ANTXR1: variants seen among roughly 807,000 people sequenced by gnomAD.
The protein encoded by ANTXR1 is ANTXR cell adhesion molecule 1.
A neutral mutation model predicts 78.1 loss-of-function variants in ANTXR1; 19 were observed. The ratio of observed to expected loss-of-function variants is 0.24; its 90% CI spans 0.17 to 0.36. ANTXR1 has a LOEUF of 0.36. ANTXR1 is among the 10% of genes least tolerant of loss of function. The probability of loss-of-function intolerance (pLI) is 1.00; values close to 1 mark genes in which losing one functional copy is unlikely to be tolerated. For synonymous variants in ANTXR1, 273 were observed against 260.5 expected (o/e 1.05, Z -0.46); for missense variants, 518 against 718.6 (o/e 0.72, Z 3.19).
chr2:69,017,549 C>T lies in ANTXR1; in HGVS notation c.152+3898C>T, dbSNP rs533378546. On this transcript the variant is annotated intron_variant, in intron 1 of 17. Transcript: ENST00000303714. ...AACCCAGATTATACATTTAATGGAA[C>T]GTCATGTTTTCTCAACCAGGAGCAA... 1.1e-4 allele frequency among the ~76,000 whole-genome samples: 16 copies of T among 152,232 alleles called. No homozygotes were observed. The East Asian group carries it at 2.5e-3, about 24-fold the overall frequency.
intron 14 of ANTXR1, among the ~76,000 whole-genome samples, chr2:69,173,317 T>A (rs1345316202): frequency 6.6e-6 from 1 of 152,222 alleles, no homozygotes; most frequent in Non-Finnish European, 1.5e-5. Context: ...CTAGTCTTCA[T>A]TTCACCATCT....
intron 14 of ANTXR1, among the ~76,000 whole-genome samples, 161 bp downstream of exon 14, chr2:69,170,450 G>T (rs1337165871): frequency 6.6e-6 from 1 of 152,166 alleles, no homozygotes; most frequent in African/African-American, 2.4e-5. Flanking sequence ...GAAACTGTCT[G>T]GCCTTTCCTA....
chr2:69,168,308 G>A (rs184683530), intron 13 of ANTXR1, among the ~76,000 whole-genome samples: 7 of 152,296 alleles, frequency 4.6e-5, no homozygotes, highest in East Asian at 3.9e-4. Context: ...ACACATGATC[G>A]CTCATGATGA....
Position 69,181,895 on chromosome 2 carries a change from T to G in ANTXR1, c.1185+14T>G. On this transcript the variant is annotated intron_variant, in intron 15 of 17. Coordinates refer to ENST00000303714, the MANE Select transcript of ANTXR1 (RefSeq NM_032208.3). ...AAAAGAATGGAGGTAAGAGGACAGC[T>G]TCATATACACTTATCTATGTGCTGA... is the stretch of plus-strand genomic sequence containing the variant. The G allele has an allele frequency of 1.2e-6, 2 of 1,613,076 alleles. No individual in the cohort carries two copies. The highest frequency in any genetic ancestry group is 4.5e-5 in the East Asian group (2 of 44,880).
chr2:69,129,105 G>A (rs1291213564), intron 12 of ANTXR1, among the ~76,000 whole-genome samples: 2 of 152,132 alleles, frequency 1.3e-5, no homozygotes, highest in Non-Finnish European at 2.9e-5. Flanking sequence ...AACATCCAGA[G>A]TCCTCTCTCA....
At chr2:69,177,819 C>T (rs1674172932) in intron 14 of ANTXR1, among the ~76,000 whole-genome samples, 1 of 152,176 alleles carries the variant, frequency 6.6e-6, no homozygotes, top group Non-Finnish European at 1.5e-5. Context: ...CCACCGGCCA[C>T]CCCCACCACT....
intron 17 of ANTXR1, among the ~76,000 whole-genome samples, chr2:69,235,786 A>G (rs533617841): frequency 6.6e-6 from 1 of 152,104 alleles, no homozygotes; most frequent in South Asian, 2.1e-4. Context: ...AAAAAAAAAA[A>G]AAAATAGCTT....
At chr2:69,063,554 G>A (rs1670307887) in intron 3 of ANTXR1, among the ~76,000 whole-genome samples, 1 of 151,368 alleles carries the variant, frequency 6.6e-6, no homozygotes, top group African/African-American at 2.4e-5. Context: ...AATGATACCA[G>A]GTATAAACTA....
At chr2:69,086,780 T>C (rs1301792444) in intron 8 of ANTXR1, among the ~76,000 whole-genome samples, 1 of 152,264 alleles carries the variant, frequency 6.6e-6, no homozygotes, top group Non-Finnish European at 1.5e-5. Context: ...AGTGCTTTAC[T>C]GCCAAGGTCA....
chr2:69,103,179 T>G (rs1671682928), intron 10 of ANTXR1: 2 of 540,716 alleles, frequency 3.7e-6, no homozygotes. Flanking sequence ...AGGCTGGACT[T>G]GAGTCCCCGT....
intron 12 of ANTXR1, among the ~76,000 whole-genome samples, chr2:69,151,580 T>A (rs1473638860): frequency 6.6e-6 from 1 of 152,142 alleles, no homozygotes; most frequent in Non-Finnish European, 1.5e-5. Context: ...CTCATTCCCA[T>A]GTAGCCACTT....
intron 12 of ANTXR1, among the ~76,000 whole-genome samples, chr2:69,130,697 G>T (rs1487133456): frequency 6.6e-6 from 1 of 152,112 alleles, no homozygotes; most frequent in Non-Finnish European, 1.5e-5. Flanking sequence ...TTAGGTTATT[G>T]ACCTAACTTT....
intron 13 of ANTXR1, 99 bp downstream of exon 13, chr2:69,152,363 G>C (rs903899275): frequency 2.4e-6 from 3 of 1,233,010 alleles, no homozygotes; most frequent in Non-Finnish European, 3.6e-6. Flanking sequence ...CTAAAGATGG[G>C]AGACAAATCT....
At chr2:69,128,956 CA>C (rs75721946) in intron 12 of ANTXR1, among the ~76,000 whole-genome samples, 15,760 of 152,178 alleles carry the variant, frequency 0.1, 1,223 homozygotes, top group East Asian at 0.32. Context: ...TCAAGGTCTG[CA>C]AATGAATAAC....
chr2:69,179,640 T>C (rs1674225719), intron 14 of ANTXR1, among the ~76,000 whole-genome samples: 1 of 152,084 alleles, frequency 6.6e-6, no homozygotes, highest in Admixed American at 6.6e-5. Context: ...AAATCCAGAC[T>C]GGCCAATGCT....
At position 69,144,410 on chromosome 2, in the gene ANTXR1, CAG is replaced by C. The variant is rs1673160857; in HGVS notation, c.952-7756_952-7755del. On this transcript the variant is annotated intron_variant, in intron 12 of 17. Coordinates refer to ENST00000303714, the MANE Select transcript of ANTXR1 (RefSeq NM_032208.3). ...TACTGAAGTCACCAGGTTAGTGGAA[CAG>C]AGCTGCCCCCGCTAAAGGTCTCTTT... 1.3e-5 allele frequency among the ~76,000 whole-genome samples: 2 copies of C among 152,178 alleles called. 1 individual carries two copies. The highest frequency in any genetic ancestry group is 4.1e-4 in the South Asian group (2 of 4,824).
At chr2:69,221,487 C>T (rs766455671) in intron 17 of ANTXR1, among the ~76,000 whole-genome samples, 1 of 152,104 alleles carries the variant, frequency 6.6e-6, no homozygotes, top group Non-Finnish European at 1.5e-5. Flanking sequence ...GACTCAGTAG[C>T]ATCTTAGTTC....
At chr2:69,241,592 A>AT in intron 17 of ANTXR1, among the ~76,000 whole-genome samples, 1 of 152,174 alleles carries the variant, frequency 6.6e-6, no homozygotes, top group Non-Finnish European at 1.5e-5. Flanking sequence ...AACAAACATA[A>AT]GAGTGCAGGC....
chr2:69,091,133 A>C (rs1671220090), intron 9 of ANTXR1, among the ~76,000 whole-genome samples: 1 of 151,894 alleles, frequency 6.6e-6, no homozygotes, highest in South Asian at 2.1e-4. Flanking sequence ...AAAAAAAAAA[A>C]AAATCTGTCC....
Sources: allele counts gnomAD v4.1 joint callset (sites outside exome capture counted in the v4.1 genomes callset), GRCh38; gene constraint gnomAD v4.1.1; transcripts MANE v1.5; gene names NCBI Gene and HGNC (gene_info 2026-07-23, HGNC 2026-07-21).